BTBD9: variants seen among roughly 807,000 people sequenced by gnomAD.
BTBD9 encodes the protein BTB/POZ domain-containing protein 9.
Under a neutral mutation model 64.3 loss-of-function variants are expected in BTBD9, and 49 were observed. The ratio of observed to expected loss-of-function variants is 0.76; its 90% CI spans 0.61 to 0.97. The LOEUF (loss-of-function observed/expected upper bound fraction) is 0.97, where lower values mean the gene tolerates loss of function less well. Ranked by LOEUF, BTBD9 falls within the 50% of genes least tolerant of loss-of-function variation. The probability of loss-of-function intolerance (pLI) is 0.00; values close to 1 mark genes in which losing one functional copy is unlikely to be tolerated. For missense variants in BTBD9, 598 were observed against 762.1 expected (o/e 0.78, Z 2.53); for synonymous variants, 260 against 274.7 (o/e 0.95, Z 0.53).
intron 6 of BTBD9, among the ~76,000 whole-genome samples, chr6:38,501,911 A>C (rs1772219485): frequency 6.6e-6 from 1 of 152,186 alleles, no homozygotes; most frequent in African/African-American, 2.4e-5. Flanking sequence ...TTGTATTTTT[A>C]AGACAACAAA....
At chr6:38,502,319 T>A (rs1743047243) in intron 6 of BTBD9, among the ~76,000 whole-genome samples, 1 of 152,232 alleles carries the variant, frequency 6.6e-6, no homozygotes, top group Admixed American at 6.5e-5. Flanking sequence ...CACGAAACAA[T>A]ATGAGTACAT....
At chr6:38,488,685 A>G (rs569456030) in intron 6 of BTBD9, among the ~76,000 whole-genome samples, 1 of 152,344 alleles carries the variant, frequency 6.6e-6, no homozygotes, top group South Asian at 2.1e-4. Flanking sequence ...TGTGATCTGA[A>G]GGTGAAGTCT....
At chr6:38,462,532 A>G (rs928675765) in intron 6 of BTBD9, among the ~76,000 whole-genome samples, 20 of 152,306 alleles carry the variant, frequency 1.3e-4, no homozygotes, top group African/African-American at 4.8e-4. Flanking sequence ...TGTTTTGAGT[A>G]AGGTAGGTTT....
At chr6:38,576,720 C>T (rs748506776) in intron 6 of BTBD9, among the ~76,000 whole-genome samples, 4 of 152,028 alleles carry the variant, frequency 2.6e-5, no homozygotes, top group Non-Finnish European at 2.9e-5. Context: ...TCTTCCTGAG[C>T]AAACAAACTA....
intron 9 of BTBD9, among the ~76,000 whole-genome samples, chr6:38,225,261 A>G (rs1294051647): frequency 1.3e-5 from 2 of 152,238 alleles, no homozygotes; most frequent in African/African-American, 4.8e-5. Context: ...CAGCAAAGGT[A>G]GCTGCCACAT....
At chr6:38,389,949 G>A (rs757928770) in intron 6 of BTBD9, among the ~76,000 whole-genome samples, 1 of 152,096 alleles carries the variant, frequency 6.6e-6, no homozygotes, top group Non-Finnish European at 1.5e-5. Context: ...TTCTCTCTCC[G>A]TAGAGTCCCA....
chr6:38,552,407 G>A (rs1774843978), intron 6 of BTBD9, among the ~76,000 whole-genome samples: 1 of 152,142 alleles, frequency 6.6e-6, no homozygotes, highest in African/African-American at 2.4e-5. Context: ...GGAAGTAATG[G>A]CAGGACTAAC....
intron 1 of BTBD9, among the ~76,000 whole-genome samples, chr6:38,625,466 A>T (rs1778134831): frequency 6.6e-6 from 1 of 152,142 alleles, no homozygotes; most frequent in Non-Finnish European, 1.5e-5. Context: ...TACTTGATTT[A>T]TTTTACAGTA....
At chr6:38,633,771 T>C (rs1264392507) in intron 1 of BTBD9, among the ~76,000 whole-genome samples, 1 of 152,062 alleles carries the variant, frequency 6.6e-6, no homozygotes, top group East Asian at 1.9e-4. Flanking sequence ...TTCTCCTCTA[T>C]CAAATTACAA....
At chr6:38,400,633 C>G (rs550968838) in intron 6 of BTBD9, among the ~76,000 whole-genome samples, 2 of 152,148 alleles carry the variant, frequency 1.3e-5, no homozygotes, top group Admixed American at 6.5e-5. Flanking sequence ...TTTTCATTCA[C>G]TCCAATCATC....
At chr6:38,503,294 C>T (rs1472788569) in intron 6 of BTBD9, among the ~76,000 whole-genome samples, 2 of 152,136 alleles carry the variant, frequency 1.3e-5, no homozygotes, top group East Asian at 3.9e-4. Flanking sequence ...CAACAACCCA[C>T]AAACAGGGCT....
At chr6:38,547,308 T>G (rs920906568) in intron 6 of BTBD9, among the ~76,000 whole-genome samples, 3 of 152,138 alleles carry the variant, frequency 2.0e-5, no homozygotes, top group South Asian at 4.1e-4. Context: ...CACATGCCAG[T>G]AGTTCCAGCT....
At chr6:38,318,658 G>T (rs533444755) in intron 7 of BTBD9, among the ~76,000 whole-genome samples, 1 of 152,162 alleles carries the variant, frequency 6.6e-6, no homozygotes, top group Non-Finnish European at 1.5e-5. Flanking sequence ...CATGCTGGGG[G>T]AAGAGTGACA....
At chr6:38,611,150 G>C (rs1358406016) in intron 1 of BTBD9, among the ~76,000 whole-genome samples, 1 of 152,024 alleles carries the variant, frequency 6.6e-6, no homozygotes, top group Non-Finnish European at 1.5e-5. Context: ...ATATGTACAT[G>C]CATGGTATCT....
intron 9 of BTBD9, among the ~76,000 whole-genome samples, chr6:38,225,529 G>A (rs1763364211): frequency 6.6e-6 from 1 of 152,200 alleles, no homozygotes; most frequent in South Asian, 2.1e-4. Context: ...CTGTTAATAT[G>A]TGCCAGGCAT....
At chr6:38,406,923 G>C (rs1257495399) in intron 6 of BTBD9, among the ~76,000 whole-genome samples, 2 of 152,116 alleles carry the variant, frequency 1.3e-5, no homozygotes, top group Admixed American at 1.3e-4. Flanking sequence ...CCATGCTCAA[G>C]GAAGCTCAAT....
intron 9 of BTBD9, among the ~76,000 whole-genome samples, chr6:38,231,731 T>C (rs761168928): frequency 2.6e-5 from 4 of 152,208 alleles, no homozygotes; most frequent in Admixed American, 6.5e-5. Context: ...GAACCTGCAC[T>C]GGCACCCAGC....
chr6:38,545,394 T>C (rs1202443279), intron 6 of BTBD9, among the ~76,000 whole-genome samples: 1 of 152,198 alleles, frequency 6.6e-6, no homozygotes, highest in Non-Finnish European at 1.5e-5. Flanking sequence ...TTGACTTATG[T>C]TTAAAAAGGA....
At chr6:38,410,066 C>T (rs1285090932) in intron 6 of BTBD9, among the ~76,000 whole-genome samples, 1 of 152,144 alleles carries the variant, frequency 6.6e-6, no homozygotes, top group Non-Finnish European at 1.5e-5. Flanking sequence ...AATCATTCCA[C>T]TTGCTCAAAG....
Sources: gnomAD v4.1 joint callset for allele counts (sites outside exome capture counted in the v4.1 genomes callset) on GRCh38, gnomAD v4.1.1 for gene constraint, MANE v1.5 for transcripts, NCBI Gene and HGNC (gene_info 2026-07-23, HGNC 2026-07-21) for gene names.